ARHGEF17: variants seen among roughly 807,000 people sequenced by gnomAD.
The protein encoded by ARHGEF17 is Rho guanine nucleotide exchange factor 17, also known as 164 kDa Rho-specific guanine-nucleotide exchange factor.
A neutral mutation model predicts 174.0 loss-of-function variants in ARHGEF17; 80 were observed. The ratio of observed to expected loss-of-function variants is 0.46; its 90% CI spans 0.38 to 0.55. The LOEUF is 0.55. Among genes scored for constraint, ARHGEF17 ranks in the 20% least tolerant of loss-of-function variants. The pLI is 0.00. For synonymous variants in ARHGEF17, 1,311 were observed against 1,189.1 expected, an observed-to-expected ratio of 1.10 and a Z score of -2.11; for missense variants, 2,886 against 2,839.7, an observed-to-expected ratio of 1.02 and a Z score of -0.37.
rs559451029 is a variant in ARHGEF17 at position 73,332,025 on chromosome 11, C to T, written c.3193-14858C>T. 7.6e-4 allele frequency among the ~76,000 whole-genome samples: 115 copies of T among 152,314 alleles called. 2 individuals carry two copies. The highest frequency in any genetic ancestry group is 2.7e-3 in the African/African-American group (111 of 41,548). On this transcript the variant is annotated intron_variant, in intron 1 of 20. Coordinates refer to ENST00000263674, the MANE Select transcript of ARHGEF17 (RefSeq NM_014786.4). The stretch of plus-strand genomic sequence containing the variant: ...GAGCTTGTCAGCCCTGCGGATATGC[C>T]AGCGAGGGCTGCCAGGGAGGCCTGC...
At position 73,310,466 on chromosome 11, in the gene ARHGEF17, G is replaced by A. The variant is rs755362750; in HGVS notation, c.1828G>A (p.Asp610Asn). ...EKIQRMGAQQ[D>N]DGSDAPPGSP... The stretch of plus-strand genomic sequence containing the variant: ...GATCCAGCGCATGGGTGCCCAACAA[G>A]ATGATGGAAGCGATGCCCCCCCTGG... The change falls in exon 1 of 21, where the codon GAT (aspartate) becomes AAT (asparagine). Residue 610 changes from aspartate (D) to asparagine (N), a missense_variant. Coordinates refer to ENST00000263674, the MANE Select transcript of ARHGEF17 (RefSeq NM_014786.4). 5 of 1,613,998 alleles carry A rather than the reference G, an allele frequency of 3.1e-6. No homozygotes were observed. The East Asian group carries it at 8.9e-5, about 29-fold the overall frequency.
At chr11:73,361,880 C>A (rs1865744003) in intron 12 of ARHGEF17, among the ~76,000 whole-genome samples, 160 bp from the exon 13 acceptor site, 1 of 151,006 alleles carries the variant, frequency 6.6e-6, no homozygotes, top group African/African-American at 2.4e-5. Flanking sequence ...TCCTGTGCCG[C>A]GTGTATGTGT....
chr11:73,325,271 T>C (rs1001756397), intron 1 of ARHGEF17, among the ~76,000 whole-genome samples: 11 of 151,980 alleles, frequency 7.2e-5, no homozygotes, highest in South Asian at 2.1e-4. Flanking sequence ...TAGCCCTGAG[T>C]CCTGTCCCAT....
intron 9 of ARHGEF17, among the ~76,000 whole-genome samples, chr11:73,359,056 T>C (rs1865693219): frequency 6.6e-6 from 1 of 152,192 alleles, no homozygotes; most frequent in Non-Finnish European, 1.5e-5. Flanking sequence ...CTTGCCAGTC[T>C]CAGGTTCCAT....
chr11:73,359,271 G>A (rs1313044403), intron 9 of ARHGEF17, among the ~76,000 whole-genome samples: 1 of 152,240 alleles, frequency 6.6e-6, no homozygotes, highest in African/African-American at 2.4e-5. Flanking sequence ...AGGGTGGAGG[G>A]ACAGCTCCAT....
intron 1 of ARHGEF17, among the ~76,000 whole-genome samples, chr11:73,341,210 TA>T (rs946594860): frequency 6.6e-6 from 1 of 152,160 alleles, no homozygotes; most frequent in African/African-American, 2.4e-5. Context: ...TGAGAGCCTT[TA>T]AGAGCAGAAA....
At position 73,310,209 on chromosome 11, in the gene ARHGEF17, C is replaced by G; in HGVS notation, c.1571C>G (p.Ala524Gly). Residue 524 changes from alanine (A) to glycine (G), a missense_variant, in exon 1 of 21, where the codon GCC (alanine) becomes GGC (glycine). Physicochemically the swap from Ala to Gly is moderately conservative, Grantham distance 60. Around this residue, in one of 4 missense-constraint regions of ARHGEF17, gnomAD observed 1,728 missense variants for 1,461.2 expected, o/e 1.18. Transcript: ENST00000263674. ...CAACTTGAACCCATACCCATCCCAG[C>G]CCCAGCATCACCTGGCACGCGCCCC... ...VGQLEPIPIP[A>G]PASPGTRPTL... 1 of 1,614,004 alleles carries G rather than the reference C, an allele frequency of 6.2e-7. No individual in the cohort carries two copies. Among genetic ancestry groups the G allele is most frequent in the Non-Finnish European group, 8.5e-7 (1 of 1,180,024 alleles).
At chr11:73,361,312 C>T (rs1865734351) in intron 12 of ARHGEF17, 151 bp downstream of exon 12, 2 of 694,752 alleles carry the variant, frequency 2.9e-6, no homozygotes, top group Admixed American at 5.1e-5. Flanking sequence ...TGTGTGGGTG[C>T]TGCATATGTA....
intron 1 of ARHGEF17, among the ~76,000 whole-genome samples, chr11:73,335,829 C>A (rs575399797): frequency 1.1e-4 from 17 of 152,366 alleles, no homozygotes; most frequent in African/African-American, 3.8e-4. Context: ...CTACACCTTC[C>A]CTTCTCCCCC....
In ARHGEF17 at chr11:73,368,457, C is replaced by T. The variant is rs546153699; in HGVS notation, c.*677C>T. The stretch of plus-strand genomic sequence containing the variant: ...CCAGCCTGATGGGGCTGCCCTCAGT[C>T]CTCTAGATCAAGATGCTGACTATTA... On this transcript the variant is annotated 3_prime_UTR_variant, in exon 21 of 21. Transcript: ENST00000263674. The T allele has an allele frequency of 6.6e-6, 1 of 152,316 alleles. No individual in the cohort carries two copies. Among genetic ancestry groups the T allele is most frequent in the African/African-American group, 2.4e-5 (1 of 41,556 alleles). The allele number at this position is 152,316 out of a possible 1,614,324, so 9.4% of individuals were successfully genotyped here. A position where few individuals can be genotyped will look rare whatever the true frequency, so the allele number is the denominator to read the frequency against.
At chr11:73,364,746 C>T (rs1865808097) in intron 18 of ARHGEF17, 146 bp downstream of exon 18, 5 of 1,008,146 alleles carry the variant, frequency 5.0e-6, no homozygotes, top group Non-Finnish European at 6.9e-6. Context: ...CTGGCCAGTC[C>T]CTGTCCTCCT....
intron 15 of ARHGEF17, 62 bp downstream of exon 15, chr11:73,363,517 T>G (rs770243127): frequency 7.5e-5 from 117 of 1,563,334 alleles, no homozygotes; most frequent in Non-Finnish European, 9.6e-5. Flanking sequence ...GCTCTGGAAA[T>G]CATGTGGTCC....
At position 73,365,612 on chromosome 11, in the gene ARHGEF17, C is replaced by T. The variant is rs768417024; in HGVS notation, c.5725+48C>T. 16 of 1,608,758 alleles carry T rather than the reference C, an allele frequency of 9.9e-6. No individual in the cohort carries two copies. Among genetic ancestry groups the T allele is most frequent in the South Asian group, 4.4e-5 (4 of 90,996 alleles). On this transcript the variant is annotated intron_variant, in intron 19 of 20. Transcript: ENST00000263674. This position sits in a 1 kb window ranked among gnomAD's most constrained non-coding sequence, Gnocchi z 4.9. ...GCACCCTCCTTGGAGCCTTTCTGCC[C>T]GATCGTAGAGGCGGCTGAGCCAGGG...
intron 1 of ARHGEF17, among the ~76,000 whole-genome samples, chr11:73,339,420 G>T (rs543702613): frequency 6.6e-6 from 1 of 152,032 alleles, no homozygotes; most frequent in Non-Finnish European, 1.5e-5. Context: ...CATTTATCAT[G>T]ATTTCATCCT....
Position 73,310,348 on chromosome 11 carries a change from G to A in ARHGEF17, c.1710G>A (p.Glu570=), listed in dbSNP as rs376978053. ...RTSALKSSSS[E]LLLTGPGAEE... Reference sequence around the variant, plus strand: ...GTGCTCTGAAGTCCAGCTCCTCCGAGCTCCTGCTCACAGGCCCTGGTGCCG... The same window carrying A: ...GTGCTCTGAAGTCCAGCTCCTCCGAACTCCTGCTCACAGGCCCTGGTGCCG... Residue 570 remains glutamate, a synonymous_variant, in exon 1 of 21, where the codon GAG becomes GAA. Coordinates refer to ENST00000263674, the MANE Select transcript of ARHGEF17 (RefSeq NM_014786.4). The A allele has an allele frequency of 3.1e-6, 5 of 1,613,718 alleles. No homozygotes were observed. The highest frequency in any genetic ancestry group is 2.2e-5 in the East Asian group (1 of 44,900).
intron 10 of ARHGEF17, 96 bp downstream of exon 10, chr11:73,360,048 A>G: frequency 1.6e-6 from 2 of 1,239,618 alleles, no homozygotes; most frequent in Non-Finnish European, 1.1e-6. Flanking sequence ...CTGAGGGAAG[A>G]GACATCCCTT....
intron 1 of ARHGEF17, among the ~76,000 whole-genome samples, chr11:73,328,850 A>G (rs966104269): frequency 2.6e-5 from 4 of 152,074 alleles, no homozygotes. Flanking sequence ...TCACCAGGGC[A>G]GGGTCCGGGC....
chr11:73,311,847 G>A lies in ARHGEF17; in HGVS notation c.3192+17G>A, dbSNP rs1864843412. 4 of 1,577,478 alleles carry A rather than the reference G, an allele frequency of 2.5e-6. No homozygotes were observed. In the East Asian group the frequency reaches 9.0e-5, roughly 36 times the overall value. On this transcript the variant is annotated intron_variant, in intron 1 of 20. Coordinates refer to ENST00000263674, the MANE Select transcript of ARHGEF17 (RefSeq NM_014786.4). Reference sequence around the variant, plus strand: ...CCACAGGTGGTGAGTCCTTTGTAGGGGCCTTCAGATTGGGGCCAAAGAAGG... The same window carrying A: ...CCACAGGTGGTGAGTCCTTTGTAGGAGCCTTCAGATTGGGGCCAAAGAAGG...
intron 20 of ARHGEF17, among the ~76,000 whole-genome samples, 166 bp downstream of exon 20, chr11:73,366,113 G>A (rs771429669): frequency 6.6e-6 from 1 of 151,190 alleles, no homozygotes; most frequent in African/African-American, 2.4e-5. Flanking sequence ...ATGAAATCTA[G>A]GATAGTTGTG....
Sources: gnomAD v4.1 joint callset for allele counts (sites outside exome capture counted in the v4.1 genomes callset) on GRCh38, gnomAD v4.1.1 for gene constraint, gnomAD v4.1.1 regional missense constraint, Gnocchi (gnomAD v3.1) non-coding constraint, MANE v1.5 for transcripts, NCBI Gene and HGNC (gene_info 2026-07-23, HGNC 2026-07-21) for gene names.